HS3ST2: variants seen among roughly 807,000 people sequenced by gnomAD.
HS3ST2 encodes heparan sulfate-glucosamine 3-sulfotransferase 2.
HS3ST2 carries 17 observed loss-of-function variants against 26.3 expected under a neutral mutation model. That is an observed-to-expected ratio of 0.65 (90% CI 0.44 to 0.97). The LOEUF (loss-of-function observed/expected upper bound fraction) is 0.97. HS3ST2 is among the 50% of genes least tolerant of loss of function. The probability of loss-of-function intolerance (pLI) is 0.00; values close to 1 mark genes in which losing one functional copy is unlikely to be tolerated. For missense variants in HS3ST2, 402 were observed against 501.2 expected (o/e 0.80, Z 1.89); for synonymous variants, 237 against 219.2 (o/e 1.08, Z -0.72).
chr16:22,854,712 CA>C (rs1901565944), intron 1 of HS3ST2: 1 of 150,234 alleles, frequency 6.7e-6, no homozygotes, highest in Non-Finnish European at 1.5e-5. Context: ...GATCATAGCT[CA>C]CTTCAACCTC....
At chr16:22,910,341 A>G (rs1902410425) in intron 1 of HS3ST2, among the ~76,000 whole-genome samples, 1 of 152,210 alleles carries the variant, frequency 6.6e-6, no homozygotes, top group African/African-American at 2.4e-5. Flanking sequence ...GAAGACATTT[A>G]TTGCAACAGC....
intron 1 of HS3ST2, among the ~76,000 whole-genome samples, chr16:22,879,790 T>C (rs1236988378): frequency 6.6e-6 from 1 of 152,140 alleles, no homozygotes; most frequent in African/African-American, 2.4e-5. Context: ...TCCTCCAATA[T>C]GTTTGTGTCT....
chr16:22,844,497 T>A (rs1296311727), intron 1 of HS3ST2, among the ~76,000 whole-genome samples: 3 of 152,024 alleles, frequency 2.0e-5, no homozygotes, highest in Non-Finnish European at 4.4e-5. Context: ...GCACCTTCAG[T>A]CTTTCTGGGA....
intron 1 of HS3ST2, among the ~76,000 whole-genome samples, chr16:22,822,689 A>G (rs1001536886): frequency 6.6e-6 from 1 of 152,008 alleles, no homozygotes. Flanking sequence ...CCCCATCTCT[A>G]CTAAAAATAC....
rs1050341147 is a variant in HS3ST2, at chr16:22,814,214, C to T, written c.-397C>T. The T allele has an allele frequency of 3.9e-5, 7 of 180,658 alleles. No homozygotes were observed. The allele number at this position is 180,658 out of a possible 1,614,324, so 11.2% of individuals were successfully genotyped here. On this transcript the variant is annotated 5_prime_UTR_variant, in exon 1 of 2. Transcript: ENST00000261374. ...CCGGCGCCAGCGCCACCGTCCGGTC[C>T]ACCCGCCAGCCCGCACAGCCGCGCC...
intron 1 of HS3ST2, among the ~76,000 whole-genome samples, chr16:22,841,856 A>G (rs960632159): frequency 1.3e-5 from 2 of 152,014 alleles, no homozygotes; most frequent in East Asian, 1.9e-4. Flanking sequence ...TTCTCTTTCA[A>G]TTAATCATTT....
At chr16:22,862,892 G>A (rs912888270) in intron 1 of HS3ST2, among the ~76,000 whole-genome samples, 7 of 152,206 alleles carry the variant, frequency 4.6e-5, no homozygotes, top group African/African-American at 1.4e-4. Context: ...AGCATTGCTT[G>A]GAATGCAGTG....
chr16:22,908,663 T>C (rs955112363), intron 1 of HS3ST2, among the ~76,000 whole-genome samples: 2 of 152,120 alleles, frequency 1.3e-5, no homozygotes, highest in Admixed American at 6.5e-5. Context: ...AAGACACCAC[T>C]TCCACTCTCA....
chr16:22,867,586 T>C (rs1901774944), intron 1 of HS3ST2, among the ~76,000 whole-genome samples: 1 of 152,058 alleles, frequency 6.6e-6, no homozygotes, highest in African/African-American at 2.4e-5. Context: ...AAGCAGAAAT[T>C]CAAATGGACA....
chr16:22,863,055 C>T (rs1391064533), intron 1 of HS3ST2, among the ~76,000 whole-genome samples: 1 of 152,220 alleles, frequency 6.6e-6, no homozygotes, highest in Non-Finnish European at 1.5e-5. Flanking sequence ...TCCCAGTTGT[C>T]CTGGGCCTCC....
chr16:22,899,931 C>T (rs1010842696), intron 1 of HS3ST2, among the ~76,000 whole-genome samples: 2 of 152,188 alleles, frequency 1.3e-5, no homozygotes, highest in South Asian at 4.1e-4. Context: ...ATATCAGCCC[C>T]CTTTGTGTTG....
chr16:22,869,736 T>C (rs953186614), intron 1 of HS3ST2, among the ~76,000 whole-genome samples: 6 of 152,250 alleles, frequency 3.9e-5, no homozygotes, highest in African/African-American at 1.4e-4. Flanking sequence ...TCCCACCACA[T>C]GTGGGAATTG....
Position 22,866,304 on chromosome 16 carries a change from C to T in HS3ST2, c.486-48640C>T, listed in dbSNP as rs756589569. Among the ~76,000 whole-genome samples, 30 of 150,986 alleles carry T rather than the reference C, an allele frequency of 2.0e-4. No individual in the cohort carries two copies. In the East Asian group the frequency reaches 3.7e-3, roughly 19 times the overall value. On this transcript the variant is annotated intron_variant, in intron 1 of 1. Transcript: ENST00000261374. ...AAAGATTTTGGCAGAGGGGAGAATT[C>T]GCGCAAGCACGTGCGCGCGCGCGCA... is the stretch of plus-strand genomic sequence containing the variant.
chr16:22,818,120 A>G (rs1189599911), intron 1 of HS3ST2, among the ~76,000 whole-genome samples: 1 of 152,094 alleles, frequency 6.6e-6, no homozygotes, highest in Non-Finnish European at 1.5e-5. Context: ...GCTTACCTCA[A>G]CTATGTGTCT....
At chr16:22,906,829 T>G (rs1180438091) in intron 1 of HS3ST2, among the ~76,000 whole-genome samples, 1 of 152,226 alleles carries the variant, frequency 6.6e-6, no homozygotes, top group Non-Finnish European at 1.5e-5. Flanking sequence ...TCAATGGGCA[T>G]CTACCTCTGA....
intron 1 of HS3ST2, among the ~76,000 whole-genome samples, chr16:22,904,795 G>T (rs927060230): frequency 1.3e-5 from 2 of 152,180 alleles, no homozygotes; most frequent in Non-Finnish European, 2.9e-5. Flanking sequence ...CAACGAGAAT[G>T]GTCGCTGGAG....
chr16:22,822,882 A>C (rs1412832472), intron 1 of HS3ST2, among the ~76,000 whole-genome samples: 1 of 152,142 alleles, frequency 6.6e-6, no homozygotes, highest in Non-Finnish European at 1.5e-5. Context: ...AAAGAAAGAA[A>C]AAAAGATATT....
chr16:22,890,678 G>A (rs977965021), intron 1 of HS3ST2, among the ~76,000 whole-genome samples: 21 of 152,140 alleles, frequency 1.4e-4, no homozygotes, highest in Non-Finnish European at 2.8e-4. Context: ...TTTAACAGAG[G>A]AGAAAACTGA....
At chr16:22,865,538 A>G (rs1053695732) in intron 1 of HS3ST2, among the ~76,000 whole-genome samples, 2 of 152,190 alleles carry the variant, frequency 1.3e-5, no homozygotes, top group Admixed American at 1.3e-4. Flanking sequence ...CCTGGGTGAT[A>G]GAGTGAGACT....
Sources: allele counts gnomAD v4.1 joint callset (sites outside exome capture counted in the v4.1 genomes callset), GRCh38; gene constraint gnomAD v4.1.1; transcripts MANE v1.5; gene names NCBI Gene and HGNC (gene_info 2026-07-23, HGNC 2026-07-21).